RFXANK: variants seen among roughly 807,000 people sequenced by gnomAD.
The protein encoded by RFXANK is regulatory factor X associated ankyrin containing protein, also known as DNA-binding protein RFXANK.
RFXANK carries 19 observed loss-of-function variants against 34.5 expected under a neutral mutation model. The ratio of observed to expected loss-of-function variants is 0.55; its 90% confidence interval spans 0.38 to 0.81. The LOEUF is 0.81. RFXANK is among the 30% of genes least tolerant of loss of function. RFXANK has a pLI of 0.00. For missense variants in RFXANK, 295 were observed against 343.5 expected (o/e 0.86, Z 1.12); for synonymous variants, 154 against 149.8 (o/e 1.03, Z -0.20).
chr19:19,192,267 C>G lies in RFXANK; in HGVS notation c.-437C>G, dbSNP rs1277980093. Reference sequence around the variant, plus strand: ...CTCCCCGCTCCTCAGTCTTTGCGGACAAGAAAGGGGCTGTGTGAGACGCAG... The same window carrying G: ...CTCCCCGCTCCTCAGTCTTTGCGGAGAAGAAAGGGGCTGTGTGAGACGCAG... On this transcript the variant is annotated 5_prime_UTR_variant, in exon 1 of 10. Transcript: ENST00000303088. The G allele has an allele frequency of 1.1e-5, 11 of 1,046,710 alleles. No homozygotes were observed. Among genetic ancestry groups the G allele is most frequent in the African/African-American group, 1.6e-5 (1 of 63,170 alleles). The allele number at this position is 1,046,710 out of a possible 1,614,324, so 64.8% of individuals were successfully genotyped here.
At chr19:19,199,850 C>T (rs2060671426) in intron 9 of RFXANK, among the ~76,000 whole-genome samples, 1 of 152,190 alleles carries the variant, frequency 6.6e-6, no homozygotes, top group East Asian at 1.9e-4. Flanking sequence ...CTTCCCCATC[C>T]ATAAAATGGG....
Position 19,198,157 on chromosome 19 carries a change from G to A in RFXANK, c.489G>A (p.Leu163=). ...LAKERESALS[L]ASTGGYTDIV... is the part of the protein sequence containing the mutation. ...AAGAGCGAGAGAGCGCCCTGTCGCT[G>A]GCCAGCACAGGCGGCTACACAGACA... is the stretch of plus-strand genomic sequence containing the variant. Residue 163 remains leucine (L), a synonymous_variant, in exon 7 of 10, where the codon CTG becomes CTA. Transcript: ENST00000303088. 2 of 1,614,168 alleles carry A rather than the reference G, an allele frequency of 1.2e-6. No homozygotes were observed. Among genetic ancestry groups the A allele is most frequent in the Non-Finnish European group, 1.7e-6 (2 of 1,180,022 alleles).
At chr19:19,194,405 T>G (rs568154851) in intron 3 of RFXANK, among the ~76,000 whole-genome samples, 1 of 152,254 alleles carries the variant, frequency 6.6e-6, no homozygotes, top group Non-Finnish European at 1.5e-5. Flanking sequence ...GCTAATTTTT[T>G]GGGTATTTTT....
At chr19:19,200,020 A>G (rs932334532) in intron 9 of RFXANK, among the ~76,000 whole-genome samples, 15 of 151,966 alleles carry the variant, frequency 9.9e-5, no homozygotes, top group African/African-American at 3.6e-4. Context: ...CGAGGCAGAA[A>G]GTCTTGCTCT....
intron 3 of RFXANK, among the ~76,000 whole-genome samples, chr19:19,196,399 A>G (rs1033107542): frequency 6.6e-6 from 1 of 151,574 alleles, no homozygotes; most frequent in Non-Finnish European, 1.5e-5. Flanking sequence ...ATCTCTACCA[A>G]TATATATATA....
In RFXANK at chr19:19,192,487, GC is replaced by G. The variant is rs1439527648; in HGVS notation, c.-212del. On this transcript the variant is annotated 5_prime_UTR_variant, in exon 1 of 10. Transcript: ENST00000303088. ...CAAAAACTCCCTTCTTTAGCCCTCT[GC>G]CCCCGCCCTTGCTTATAAGCCTTTG... The G allele has an allele frequency of 3.1e-6, 1 of 320,248 alleles. No individual in the cohort carries two copies. The highest frequency in any genetic ancestry group is 5.9e-6 in the Non-Finnish European group (1 of 169,266). 19.8% of individuals were successfully genotyped at this position (320,248 alleles called of 1,614,324 possible).
At chr19:19,195,524 C>T (rs1382030542) in intron 3 of RFXANK, among the ~76,000 whole-genome samples, 6 of 151,752 alleles carry the variant, frequency 4.0e-5, no homozygotes, top group Middle Eastern at 6.9e-3. Context: ...AGGCTGGTCT[C>T]GAACTCCTGA....
chr19:19,198,358 C>T (rs914805311), intron 7 of RFXANK, 126 bp downstream of exon 7: 96 of 1,425,670 alleles, frequency 6.7e-5, no homozygotes, highest in Non-Finnish European at 8.4e-5. Flanking sequence ...AGCCCCATTC[C>T]CAGCCTCACA....
intron 9 of RFXANK, among the ~76,000 whole-genome samples, chr19:19,200,383 G>C (rs979006879): frequency 6.6e-6 from 1 of 151,782 alleles, no homozygotes; most frequent in African/African-American, 2.4e-5. Flanking sequence ...TCACCATGTT[G>C]GTCAGGCTGG....
At chr19:19,193,680 C>T (rs1216402982) in intron 2 of RFXANK, among the ~76,000 whole-genome samples, 3 of 152,110 alleles carry the variant, frequency 2.0e-5, no homozygotes, top group Admixed American at 2.0e-4. Context: ...TCCCAAAGTG[C>T]TGGGATTACA....
At chr19:19,197,404 T>TA (rs2060619396) in intron 5 of RFXANK, 117 bp from the exon 6 acceptor site, 2 of 1,221,718 alleles carry the variant, frequency 1.6e-6, no homozygotes, top group African/African-American at 3.0e-5. Flanking sequence ...TCCATCAACA[T>TA]ACGCTCCCCC....
rs759134942 is a variant in RFXANK, at chr19:19,197,237, A to T, written c.323A>T (p.Glu108Val). 1.4e-5 allele frequency: 23 copies of T among 1,612,954 alleles called. No individual in the cohort carries two copies. The South Asian group carries it at 1.9e-4, about 13-fold the overall frequency. ...CAGGGGGAGCTGGACCAGCTGAAGGAGCATTTGCGGAAAGGTGCGTGTCCA... is the reference window on the plus strand; with the variant it reads ...CAGGGGGAGCTGGACCAGCTGAAGGTGCATTTGCGGAAAGGTGCGTGTCCA... Reference protein sequence around the residue: ...AAQGELDQLKEHLRKGDNLVN... With the variant: ...AAQGELDQLKVHLRKGDNLVN... Residue 108 changes from glutamate to valine, a missense_variant, in exon 5 of 10, where the codon GAG (glutamate) becomes GTG (valine). Physicochemically the swap from Glu to Val is moderately radical, Grantham distance 121. Transcript: ENST00000303088.
intron 8 of RFXANK, 83 bp from the exon 9 acceptor site, chr19:19,199,071 G>A (rs912627909): frequency 2.3e-6 from 3 of 1,314,400 alleles, no homozygotes; most frequent in African/African-American, 2.9e-5. Context: ...GGAATGAGGG[G>A]TGCCATGGGA....
At position 19,197,181 on chromosome 19, in the gene RFXANK, C is replaced by T; in HGVS notation, c.272-5C>T. 1 of 1,613,916 alleles carries T rather than the reference C, an allele frequency of 6.2e-7. No individual in the cohort carries two copies. Among genetic ancestry groups the T allele is most frequent in the Non-Finnish European group, 8.5e-7 (1 of 1,179,992 alleles). ...AGTGAGGACTCTGCCTCTGTCCTGC[C>T]CCAGCCCTGTCCATCCACCAGCTCG... On this transcript the variant is annotated splice_polypyrimidine_tract_variant and splice_region_variant and intron_variant, in intron 4 of 9. Transcript: ENST00000303088.
rs767791896 is a variant in RFXANK, at chr19:19,198,641, C to T, written c.565-16C>T. 5.0e-6 allele frequency: 8 copies of T among 1,612,636 alleles called. No homozygotes were observed. Among genetic ancestry groups the T allele is most frequent in the Non-Finnish European group, 6.8e-6 (8 of 1,179,996 alleles). ...AGAGGTAAACCTTTGGTTTCTCCTG[C>T]CCCTACCCACGACAGAATGGAGGGA... On this transcript the variant is annotated splice_polypyrimidine_tract_variant and intron_variant, in intron 7 of 9. Coordinates refer to ENST00000303088, the MANE Select transcript of RFXANK (RefSeq NM_003721.4).
chr19:19,198,880 G>A (rs986805023), intron 8 of RFXANK, 157 bp downstream of exon 8: 13 of 833,460 alleles, frequency 1.6e-5, no homozygotes, highest in Non-Finnish European at 2.4e-5. Context: ...AGGGGAGGAG[G>A]TGGTAGGACC....
chr19:19,193,561 GC>G (rs1448337351), intron 2 of RFXANK, among the ~76,000 whole-genome samples: 1 of 151,778 alleles, frequency 6.6e-6, no homozygotes, highest in Non-Finnish European at 1.5e-5. Flanking sequence ...GATCACAGGC[GC>G]CCGCCACCGC....
Position 19,198,648 on chromosome 19 carries a change from C to T in RFXANK, c.565-9C>T, listed in dbSNP as rs2146495686. The T allele has an allele frequency of 1.2e-6, 2 of 1,613,244 alleles. No homozygotes were observed. On this transcript the variant is annotated splice_polypyrimidine_tract_variant and intron_variant, in intron 7 of 9. Coordinates refer to ENST00000303088, the MANE Select transcript of RFXANK (RefSeq NM_003721.4). ...AACCTTTGGTTTCTCCTGCCCCTAC[C>T]CACGACAGAATGGAGGGACGCCACT...
Position 19,198,152 on chromosome 19 carries a change from T to A in RFXANK, c.484T>A (p.Ser162Thr). 1 of 1,614,124 alleles carries A rather than the reference T, an allele frequency of 6.2e-7. No individual in the cohort carries two copies. Among genetic ancestry groups the A allele is most frequent in the South Asian group, 1.1e-5 (1 of 91,072 alleles). ...ILAKERESAL[S>T]LASTGGYTDI... ...GGCAAAAGAGCGAGAGAGCGCCCTG[T>A]CGCTGGCCAGCACAGGCGGCTACAC... The change falls in exon 7 of 10, where the codon TCG becomes ACG. Residue 162 changes from serine (S) to threonine (T), a missense_variant. Coordinates refer to ENST00000303088, the MANE Select transcript of RFXANK (RefSeq NM_003721.4).
Sources: allele counts gnomAD v4.1 joint callset (sites outside exome capture counted in the v4.1 genomes callset), GRCh38; gene constraint gnomAD v4.1.1; transcripts MANE v1.5; gene names NCBI Gene and HGNC (gene_info 2026-07-23, HGNC 2026-07-21).